NFX1: variants seen among roughly 807,000 people sequenced by gnomAD.
NFX1 encodes the protein transcriptional repressor NF-X1.
A neutral mutation model predicts 137.2 loss-of-function variants in NFX1; 69 were observed. The ratio of observed to expected loss-of-function variants is 0.50; its 90% confidence interval spans 0.41 to 0.61. The LOEUF (loss-of-function observed/expected upper bound fraction) is 0.61, where lower values mean the gene tolerates loss of function less well. Ranked by LOEUF, NFX1 falls within the 20% of genes least tolerant of loss-of-function variation. The pLI, the probability that NFX1 is intolerant of heterozygous loss-of-function variation, is 0.00. For missense variants in NFX1, 1,167 were observed against 1,391.0 expected, an observed-to-expected ratio of 0.84 and a Z score of 2.56; for synonymous variants, 495 against 474.1, an observed-to-expected ratio of 1.04 and a Z score of -0.57.
chr9:33,317,260 A>G (rs910884384), intron 7 of NFX1, among the ~76,000 whole-genome samples: 6 of 151,658 alleles, frequency 4.0e-5, no homozygotes, highest in Non-Finnish European at 8.8e-5. Flanking sequence ...CTCTACAAAA[A>G]ATACAAAAGC....
intron 9 of NFX1, among the ~76,000 whole-genome samples, chr9:33,321,727 T>G (rs1186380839): frequency 6.6e-6 from 1 of 151,992 alleles, no homozygotes; most frequent in African/African-American, 2.4e-5. Context: ...AAACATTTTT[T>G]ATTTACCTGG....
At chr9:33,352,478 A>G in intron 16 of NFX1, 168 bp from the exon 17 acceptor site, 1 of 703,274 alleles carries the variant, frequency 1.4e-6, no homozygotes, top group South Asian at 1.5e-5. Context: ...TAGCATGTCA[A>G]CAACTGTGTC....
chr9:33,359,178 AT>A (rs1370541873), intron 19 of NFX1, among the ~76,000 whole-genome samples: 3 of 151,778 alleles, frequency 2.0e-5, no homozygotes, highest in Admixed American at 6.6e-5. Context: ...AATTCCTGTT[AT>A]TTTTTTCCTT....
At position 33,295,075 on chromosome 9, in the gene NFX1, A is replaced by G. The variant is rs1821304420; in HGVS notation, c.681A>G (p.Val227=). The change falls in exon 2 of 24, where the codon GTA becomes GTG. Residue 227 remains valine, a synonymous_variant. Transcript: ENST00000379540. ...CAGAGGCATCCTCTAGAAAAGGAGT[A>G]TTGGATGGGTATGGAGCCAGACGAA... ...DSSEASSRKG[V]LDGYGARRNE... is the part of the protein sequence containing the mutation. The G allele has an allele frequency of 1.2e-6, 2 of 1,614,070 alleles. No homozygotes were observed. The highest frequency in any genetic ancestry group is 1.7e-6 in the Non-Finnish European group (2 of 1,180,044).
At chr9:33,358,349 C>T (rs913290837) in intron 19 of NFX1, among the ~76,000 whole-genome samples, 1 of 152,144 alleles carries the variant, frequency 6.6e-6, no homozygotes, top group Non-Finnish European at 1.5e-5. Context: ...CAGTCTCAAT[C>T]TCCTGACCTT....
At chr9:33,367,998 C>T (rs1250825526) in intron 23 of NFX1, among the ~76,000 whole-genome samples, 1 of 152,188 alleles carries the variant, frequency 6.6e-6, no homozygotes, top group East Asian at 1.9e-4. Context: ...CTTTGGGAGG[C>T]CAAGGCGGGT....
intron 12 of NFX1, among the ~76,000 whole-genome samples, chr9:33,342,513 G>C (rs1006255893): frequency 5.3e-5 from 8 of 152,330 alleles, no homozygotes; most frequent in East Asian, 3.9e-4. Flanking sequence ...GAGACTACTA[G>C]TATAGAGAGT....
intron 9 of NFX1, among the ~76,000 whole-genome samples, chr9:33,325,311 A>G (rs1215977273): frequency 6.6e-6 from 1 of 152,216 alleles, no homozygotes; most frequent in Non-Finnish European, 1.5e-5. Flanking sequence ...CATCAGAAAC[A>G]ATGGAGAACA....
chr9:33,338,533 C>T lies in NFX1; in HGVS notation c.2059C>T (p.Arg687Trp), dbSNP rs763201703. Residue 687 changes from arginine (R) to tryptophan (W), a missense_variant, in exon 12 of 24, where the codon CGG becomes TGG. Physicochemically the swap from Arg to Trp is moderately radical, Grantham distance 101. Transcript: ENST00000379540. ...SEDATFMCDK[R>W]CNKKRLCGRH... ...AGATGCTACATTTATGTGTGACAAG[C>T]GGTGTAACAAGAAACGGTTGTGTGG... 6.2e-6 allele frequency: 10 copies of T among 1,603,518 alleles called. No individual in the cohort carries two copies. The highest frequency in any genetic ancestry group is 2.3e-5 in the South Asian group (2 of 88,028).
intron 11 of NFX1, among the ~76,000 whole-genome samples, chr9:33,335,576 A>C (rs1410278132): frequency 6.6e-6 from 1 of 152,034 alleles, no homozygotes; most frequent in East Asian, 1.9e-4. Context: ...ACAGGGTCTC[A>C]CTTTGTTGAC....
chr9:33,366,704 C>G lies in NFX1; in HGVS notation c.3115C>G (p.Gln1039Glu), dbSNP rs1824180383. The change falls in exon 22 of 24, where the codon CAA becomes GAA. Residue 1039 changes from glutamine to glutamate, a missense_variant. Physicochemically the swap from Gln to Glu is conservative, Grantham distance 29 (BLOSUM62 2). Transcript: ENST00000379540. ...DHRRIIHDLA[Q>E]VYGLESVSYD... ...CCGCCGGATCATCCATGACTTGGCCCAAGTTTATGGCCTGGAGAGCGTGAG... is the reference window on the plus strand; with the variant it reads ...CCGCCGGATCATCCATGACTTGGCCGAAGTTTATGGCCTGGAGAGCGTGAG... 2 of 1,614,224 alleles carry G rather than the reference C, an allele frequency of 1.2e-6. No homozygotes were observed. Among genetic ancestry groups the G allele is most frequent in the African/African-American group, 1.3e-5 (1 of 75,062 alleles).
intron 9 of NFX1, among the ~76,000 whole-genome samples, chr9:33,326,770 C>T (rs1454811848): frequency 6.6e-6 from 1 of 152,070 alleles, no homozygotes; most frequent in East Asian, 1.9e-4. Context: ...TTTTCAGCTT[C>T]TTTAATAGAT....
Position 33,364,021 on chromosome 9 carries a change from A to G in NFX1, c.2885A>G (p.Glu962Gly). ...SALERKKRLA[E>G]AFHISEDSDP... ...TCTCTCTCTTTCAGGAGATTAGCAG[A>G]GGCATTTCATATCAGTGAGGATTCT... Residue 962 changes from glutamate to glycine, a missense_variant, in exon 20 of 24, where the codon GAG becomes GGG. Physicochemically the swap from Glu to Gly is moderately conservative, Grantham distance 98 (BLOSUM62 -2). Coordinates refer to ENST00000379540, the MANE Select transcript of NFX1 (RefSeq NM_002504.6). 1 of 1,584,022 alleles carries G rather than the reference A, an allele frequency of 6.3e-7. No homozygotes were observed. The highest frequency in any genetic ancestry group is 8.6e-7 in the Non-Finnish European group (1 of 1,166,400).
rs770287119 is a variant in NFX1 at position 33,342,802 on chromosome 9, T to C, written c.2172T>C (p.His724=). 21 of 1,613,840 alleles carry C rather than the reference T, an allele frequency of 1.3e-5. No individual in the cohort carries two copies. Among genetic ancestry groups the C allele is most frequent in the Non-Finnish European group, 1.7e-5 (20 of 1,179,958 alleles). Residue 724 remains histidine (H), a synonymous_variant, in exon 13 of 24, where the codon CAT becomes CAC. Transcript: ENST00000379540. Reference sequence around the variant, plus strand: ...GGAGGAAACTCCGTTGTGGCCTTCATAGGTGTGAAGAACCTTGTCATCGTG... The same window carrying C: ...GGAGGAAACTCCGTTGTGGCCTTCACAGGTGTGAAGAACCTTGTCATCGTG... The part of the protein sequence containing the change: ...ICGRKLRCGL[H]RCEEPCHRGN...
chr9:33,319,566 G>GCTCGAGC (rs1822305540), intron 9 of NFX1, among the ~76,000 whole-genome samples: 1 of 152,202 alleles, frequency 6.6e-6, no homozygotes, highest in Non-Finnish European at 1.5e-5. Flanking sequence ...CTCGAGTGCA[G>GCTCGAGC]TGGTAGGATC....
intron 4 of NFX1, among the ~76,000 whole-genome samples, chr9:33,303,816 G>A (rs566469851): frequency 1.3e-5 from 2 of 152,238 alleles, no homozygotes; most frequent in East Asian, 3.9e-4. Flanking sequence ...CTTGCTGCTA[G>A]CCCATTTCTG....
Position 33,344,090 on chromosome 9 carries a change from A to G in NFX1, c.2246A>G (p.His749Arg), listed in dbSNP as rs752487982. The part of the protein sequence containing the change: ...WQASFDELTC[H>R]CGASVIYPPV... Reference sequence around the variant, plus strand: ...CCAGGTTTTGATGAATTAACCTGCCATTGTGGTGCATCAGTGATTTACCCT... The same window carrying G: ...CCAGGTTTTGATGAATTAACCTGCCGTTGTGGTGCATCAGTGATTTACCCT... Residue 749 changes from histidine to arginine, a missense_variant, in exon 14 of 24, where the codon CAT (histidine) becomes CGT (arginine). Transcript: ENST00000379540. 1 of 1,613,996 alleles carries G rather than the reference A, an allele frequency of 6.2e-7. No homozygotes were observed. The highest frequency in any genetic ancestry group is 1.1e-5 in the South Asian group (1 of 91,076).
rs1281528165 is a variant in NFX1 at position 33,294,982 on chromosome 9, A to G, written c.588A>G (p.Thr196=). ...GKLKCEWSNR[T]TPKPEDAGPE... Reference sequence around the variant, plus strand: ...TCAAATGTGAATGGAGTAACCGAACAACTCCAAAACCGGAGGATGCTGGAC... The same window carrying G: ...TCAAATGTGAATGGAGTAACCGAACGACTCCAAAACCGGAGGATGCTGGAC... The change falls in exon 2 of 24, where the codon ACA becomes ACG. Residue 196 remains threonine, a synonymous_variant. Transcript: ENST00000379540. 1 of 1,614,174 alleles carries G rather than the reference A, an allele frequency of 6.2e-7. No homozygotes were observed. Among genetic ancestry groups the G allele is most frequent in the Non-Finnish European group, 8.5e-7 (1 of 1,180,034 alleles).
intron 19 of NFX1, among the ~76,000 whole-genome samples, chr9:33,362,924 G>A (rs1373657244): frequency 6.6e-6 from 1 of 151,766 alleles, no homozygotes; most frequent in Non-Finnish European, 1.5e-5. Flanking sequence ...GGCTGGTCTC[G>A]AGCTCCCAGC....
Sources: allele counts gnomAD v4.1 joint callset (sites outside exome capture counted in the v4.1 genomes callset), GRCh38; gene constraint gnomAD v4.1.1; transcripts MANE v1.5; gene names NCBI Gene and HGNC (gene_info 2026-07-23, HGNC 2026-07-21).